Variants in ZNF827 observed in about 807,000 individuals in gnomAD.
ZNF827 encodes the protein zinc finger protein 827.
Under a neutral mutation model 102.4 loss-of-function variants are expected in ZNF827, and 13 were observed. That is an observed-to-expected ratio of 0.13 (90% confidence interval 0.08 to 0.20). The LOEUF is 0.20. ZNF827 is among the 10% of genes least tolerant of loss of function. The probability of loss-of-function intolerance (pLI) is 1.00; values close to 1 mark genes in which losing one functional copy is unlikely to be tolerated. For synonymous variants in ZNF827, 523 were observed against 536.2 expected, an observed-to-expected ratio of 0.98 and a Z score of 0.34; for missense variants, 1,103 against 1,344.4, an observed-to-expected ratio of 0.82 and a Z score of 2.81.
At chr4:145,900,796 A>G (rs1579517120) in intron 2 of ZNF827, among the ~76,000 whole-genome samples, 1 of 152,200 alleles carries the variant, frequency 6.6e-6, no homozygotes, top group East Asian at 1.9e-4. Flanking sequence ...GATTTTTTCC[A>G]TCGTAGAACT....
intron 2 of ZNF827, among the ~76,000 whole-genome samples, chr4:145,894,087 T>C (rs1436622444): frequency 1.3e-5 from 2 of 152,222 alleles, no homozygotes; most frequent in Admixed American, 1.3e-4. Context: ...TTCTGTTAGA[T>C]GTGACAGTGG....
chr4:145,833,660 G>A (rs1272247433), intron 7 of ZNF827, among the ~76,000 whole-genome samples: 1 of 151,546 alleles, frequency 6.6e-6, no homozygotes, highest in East Asian at 1.9e-4. Context: ...TTATCTCTGT[G>A]CCCCAATCCC....
At chr4:145,924,495 G>A (rs946365338) in intron 1 of ZNF827, among the ~76,000 whole-genome samples, 4 of 152,180 alleles carry the variant, frequency 2.6e-5, no homozygotes, top group African/African-American at 7.2e-5. Flanking sequence ...GTAAGGGAGG[G>A]GTAAGAGGGG....
intron 8 of ZNF827, among the ~76,000 whole-genome samples, chr4:145,786,900 A>T (rs190814250): frequency 4.7e-4 from 72 of 152,330 alleles, no homozygotes; most frequent in Non-Finnish European, 5.4e-4. Flanking sequence ...TCTACCTTGC[A>T]GTGTCACAGC....
In ZNF827 at chr4:145,885,610, C is replaced by CAGAGAGAGAG. The variant is rs200461563; in HGVS notation, c.1747+58_1747+67dup. ...AAATAAGAATACTGGTAGACAGAGA[C>CAGAGAGAGAG]AGAGAGAGAGAGAGAGAGAGAGAGA... On this transcript the variant is annotated intron_variant, in intron 4 of 14. Transcript: ENST00000508784. The CAGAGAGAGAG allele has an allele frequency of 2.0e-4, 240 of 1,174,606 alleles. 1 individual carries two copies. The East Asian group carries it at 2.9e-3, about 14-fold the overall frequency. The allele number at this position is 1,174,606 out of a possible 1,614,324, so 72.8% of individuals were successfully genotyped here.
chr4:145,884,179 C>T (rs898460212), intron 4 of ZNF827, among the ~76,000 whole-genome samples: 1 of 152,082 alleles, frequency 6.6e-6, no homozygotes, highest in African/African-American at 2.4e-5. Flanking sequence ...TGTTACATTC[C>T]CCGCTCTTTG....
At chr4:145,888,303 G>A (rs184347966) in intron 3 of ZNF827, among the ~76,000 whole-genome samples, 3 of 152,150 alleles carry the variant, frequency 2.0e-5, no homozygotes, top group Admixed American at 2.0e-4. Flanking sequence ...TGACATTCGA[G>A]CACTTTTCTG....
chr4:145,927,172 G>T (rs189322900), intron 1 of ZNF827, among the ~76,000 whole-genome samples: 15 of 152,164 alleles, frequency 9.9e-5, no homozygotes, highest in Admixed American at 3.3e-4. Context: ...TAACAAGTAC[G>T]GCCAAACAAG....
Position 145,938,358 on chromosome 4 carries a change from G to A in ZNF827, c.43+7C>T, listed in dbSNP as rs780878620. Reference sequence around the variant, plus strand: ...GCACGAGAGGAGGTGGAGAAGGGATGACTTACGTGAGGGAAGGCGCTTGGG... The same window carrying A: ...GCACGAGAGGAGGTGGAGAAGGGATAACTTACGTGAGGGAAGGCGCTTGGG... On this transcript the variant is annotated splice_region_variant and intron_variant, in intron 1 of 14. Transcript: ENST00000508784. 6.2e-7 allele frequency: 1 copy of A among 1,613,752 alleles called. No homozygotes were observed. Among genetic ancestry groups the A allele is most frequent in the East Asian group, 2.2e-5 (1 of 44,860 alleles).
Position 145,870,298 on chromosome 4 carries a change from A to T in ZNF827, c.1928T>A (p.Leu643Gln). The T allele has an allele frequency of 6.2e-7, 1 of 1,614,146 alleles. No homozygotes were observed. Among genetic ancestry groups the T allele is most frequent in the Non-Finnish European group, 8.5e-7 (1 of 1,179,992 alleles). The change falls in exon 5 of 15, where the codon CTA (leucine) becomes CAA (glutamine). Residue 643 changes from leucine to glutamine, a missense_variant. Transcript: ENST00000508784. ...TGCTTTGACTGACACATCCCGCCTT[A>T]GCACACTTCCCTTCCCTTCCTGGGG... Reference protein sequence around the residue: ...LKPQEGKGSVLRRDVSVKAAS... With the variant: ...LKPQEGKGSVQRRDVSVKAAS...
At chr4:145,895,742 T>C (rs1273264000) in intron 2 of ZNF827, among the ~76,000 whole-genome samples, 1 of 152,170 alleles carries the variant, frequency 6.6e-6, no homozygotes, top group Non-Finnish European at 1.5e-5. Context: ...TTAACTACTT[T>C]AAAGAAGGGA....
chr4:145,804,515 G>C (rs1741217345), intron 8 of ZNF827, among the ~76,000 whole-genome samples: 1 of 152,148 alleles, frequency 6.6e-6, no homozygotes, highest in Non-Finnish European at 1.5e-5. Flanking sequence ...TCCAAGTCTT[G>C]AAAAGTCTAT....
intron 6 of ZNF827, among the ~76,000 whole-genome samples, chr4:145,847,868 C>A (rs769100479): frequency 1.1e-4 from 17 of 152,336 alleles, no homozygotes; most frequent in Non-Finnish European, 1.9e-4. Flanking sequence ...GAAGCCACTG[C>A]ATGCATGTGT....
Position 145,888,230 on chromosome 4 carries a change from C to T in ZNF827, c.1267-2072G>A, listed in dbSNP as rs192622872. Among the ~76,000 whole-genome samples the T allele has an allele frequency of 6.6e-5, 10 of 152,310 alleles. No individual in the cohort carries two copies. The South Asian group carries it at 2.1e-3, about 32-fold the overall frequency. Reference sequence around the variant, plus strand: ...AACTTCCCAAAAGGACTATATATCACATTTGGCCTTTGAGAGAAGTATTAG... The same window carrying T: ...AACTTCCCAAAAGGACTATATATCATATTTGGCCTTTGAGAGAAGTATTAG... On this transcript the variant is annotated intron_variant, in intron 3 of 14. Transcript: ENST00000508784.
At position 145,885,947 on chromosome 4, in the gene ZNF827, C is replaced by T. The variant is rs1383676263; in HGVS notation, c.1478G>A (p.Gly493Glu). 1 of 1,614,056 alleles carries T rather than the reference C, an allele frequency of 6.2e-7. No homozygotes were observed. Among genetic ancestry groups the T allele is most frequent in the African/African-American group, 1.3e-5 (1 of 74,942 alleles). Residue 493 changes from glycine (G) to glutamate (E), a missense_variant, in exon 4 of 15, where the codon GGA becomes GAA. By Grantham distance (98) the Gly-to-Glu change is moderately conservative. Around this residue, in one of 5 missense-constraint regions of ZNF827, gnomAD observed 157 missense variants for 211.7 expected, o/e 0.74. Transcript: ENST00000508784. ...SACLGQQREG[G>E]GTELVGTMMT... ...CATGGTCCCCACTAGCTCTGTCCCT[C>T]CTCCTTCCCTTTGCTGCCCCAGGCA...
At chr4:145,843,795 C>T (rs1337321011) in intron 7 of ZNF827, among the ~76,000 whole-genome samples, 1 of 152,172 alleles carries the variant, frequency 6.6e-6, no homozygotes, top group Admixed American at 6.5e-5. Flanking sequence ...GGTTATACAT[C>T]CCCTGCAGGG....
chr4:145,861,479 C>T (rs191667418), intron 5 of ZNF827, among the ~76,000 whole-genome samples: 2 of 152,252 alleles, frequency 1.3e-5, no homozygotes, highest in East Asian at 1.9e-4. Context: ...GAAAATAAAG[C>T]GTCTTCTCAG....
intron 5 of ZNF827, among the ~76,000 whole-genome samples, chr4:145,852,214 T>A (rs1285675224): frequency 1.3e-5 from 2 of 152,232 alleles, no homozygotes; most frequent in Non-Finnish European, 2.9e-5. Context: ...CTCTGTTATT[T>A]ATCTTCTCCT....
At chr4:145,769,843 C>T (rs1308599133) in intron 11 of ZNF827, among the ~76,000 whole-genome samples, 1 of 152,182 alleles carries the variant, frequency 6.6e-6, no homozygotes, top group Non-Finnish European at 1.5e-5. Flanking sequence ...AAATATTGCA[C>T]AATTTTAAAC....
Sources: gnomAD v4.1 joint callset for allele counts (sites outside exome capture counted in the v4.1 genomes callset) on GRCh38, gnomAD v4.1.1 for gene constraint, gnomAD v4.1.1 regional missense constraint, MANE v1.5 for transcripts, NCBI Gene and HGNC (gene_info 2026-07-23, HGNC 2026-07-21) for gene names.